The following PDE7A variants were observed in gnomAD, a reference collection of about 807,000 sequenced individuals.
The protein encoded by PDE7A is high affinity 3',5'-cyclic-AMP phosphodiesterase 7A.
A neutral mutation model predicts 64.3 loss-of-function variants in PDE7A; 39 were observed. The observed-to-expected ratio is 0.61, with a 90% confidence interval of 0.47 to 0.79. The LOEUF is 0.79. Among genes scored for constraint, PDE7A ranks in the 30% least tolerant of loss-of-function variants. PDE7A has a pLI of 0.00. For missense variants in PDE7A, 470 were observed against 582.8 expected (o/e 0.81, Z 1.99); for synonymous variants, 203 against 206.8 (o/e 0.98, Z 0.16).
At chr8:65,785,891 A>G (rs1809542365) in intron 1 of PDE7A, among the ~76,000 whole-genome samples, 2 of 152,202 alleles carry the variant, frequency 1.3e-5, no homozygotes, top group South Asian at 4.1e-4. Context: ...TTAGAAAGGT[A>G]AAATATTTAT....
chr8:65,745,368 A>G (rs1336858481), intron 5 of PDE7A, 39 bp downstream of exon 5: 1 of 1,144,456 alleles, frequency 8.7e-7, no homozygotes, highest in East Asian at 2.3e-5. Context: ...GCAGTAATCT[A>G]GACTACATTA....
chr8:65,779,742 A>G lies in PDE7A; in HGVS notation c.261T>C (p.Tyr87=). ...TACAGTGGAAAATACGAAAATCAATATATGGGTGAGAACCTCTTCTTTCTG... is the reference window on the plus strand; with the variant it reads ...TACAGTGGAAAATACGAAAATCAATGTATGGGTGAGAACCTCTTCTTTCTG... ...FESERRGSHP[Y]IDFRIFHSQS... The change falls in exon 3 of 13, where the codon TAT becomes TAC. Residue 87 remains tyrosine (Y), a synonymous_variant. Coordinates refer to ENST00000401827, the MANE Select transcript of PDE7A (RefSeq NM_001242318.3). 2 of 1,586,522 alleles carry G rather than the reference A, an allele frequency of 1.3e-6. No individual in the cohort carries two copies. Among genetic ancestry groups the G allele is most frequent in the Non-Finnish European group, 1.7e-6 (2 of 1,160,600 alleles).
In PDE7A at chr8:65,719,164, A is replaced by G; in HGVS notation, c.*126T>C. The G allele has an allele frequency of 1.5e-6, 1 of 656,324 alleles. No individual in the cohort carries two copies. The highest frequency in any genetic ancestry group is 2.7e-6 in the Non-Finnish European group (1 of 366,508). The allele number at this position is 656,324 out of a possible 1,614,324, so 40.7% of individuals were successfully genotyped here. ...CCAACAGAGGAAATCTTGGAAATAAATAATGCTGGCTGGCATCACTCACTT... is the reference window on the plus strand; with the variant it reads ...CCAACAGAGGAAATCTTGGAAATAAGTAATGCTGGCTGGCATCACTCACTT... On this transcript the variant is annotated 3_prime_UTR_variant, in exon 13 of 13. Coordinates refer to ENST00000401827, the MANE Select transcript of PDE7A (RefSeq NM_001242318.3).
chr8:65,812,043 C>CA (rs1389937557), intron 1 of PDE7A, among the ~76,000 whole-genome samples: 2 of 134,962 alleles, frequency 1.5e-5, no homozygotes, highest in Admixed American at 1.5e-4. Flanking sequence ...CCCATCTCTA[C>CA]AAAAAATACA....
intron 12 of PDE7A, among the ~76,000 whole-genome samples, chr8:65,721,017 A>G (rs909776049): frequency 6.6e-6 from 1 of 152,162 alleles, no homozygotes; most frequent in African/African-American, 2.4e-5. Context: ...ACAGCCAACA[A>G]ATTAGCTATC....
intron 7 of PDE7A, among the ~76,000 whole-genome samples, chr8:65,733,702 A>T (rs1807000399): frequency 6.6e-6 from 1 of 152,224 alleles, no homozygotes; most frequent in Non-Finnish European, 1.5e-5. Context: ...GTATTACTGC[A>T]TGTAAGTTCT....
intron 1 of PDE7A, among the ~76,000 whole-genome samples, chr8:65,836,630 C>G (rs564186022): frequency 1.3e-5 from 2 of 152,298 alleles, no homozygotes; most frequent in South Asian, 4.1e-4. Flanking sequence ...CAAAAATGTT[C>G]AACATTCAGA....
intron 1 of PDE7A, among the ~76,000 whole-genome samples, chr8:65,798,647 A>G (rs1480245183): frequency 6.6e-6 from 1 of 152,238 alleles, no homozygotes; most frequent in Admixed American, 6.5e-5. Context: ...TAATCATCAG[A>G]TAAATGCAAA....
At chr8:65,804,692 C>A (rs1030262762) in intron 1 of PDE7A, among the ~76,000 whole-genome samples, 8 of 151,550 alleles carry the variant, frequency 5.3e-5, no homozygotes, top group African/African-American at 1.9e-4. Context: ...CATGTGCCAC[C>A]ACACCAAGCT....
intron 3 of PDE7A, among the ~76,000 whole-genome samples, chr8:65,771,486 C>T (rs552002637): frequency 1.5e-4 from 23 of 152,184 alleles, no homozygotes; most frequent in African/African-American, 5.3e-4. Context: ...CTGTTGATAT[C>T]GATCTCCCTC....
At chr8:65,792,676 G>A (rs1809733881) in intron 1 of PDE7A, among the ~76,000 whole-genome samples, 1 of 152,172 alleles carries the variant, frequency 6.6e-6, no homozygotes, top group Non-Finnish European at 1.5e-5. Flanking sequence ...GAACACTATA[G>A]TAAAAACCCT....
In PDE7A at chr8:65,744,257, A is replaced by C. The variant is rs537644440; in HGVS notation, c.499+1150T>G. 1.1e-3 allele frequency among the ~76,000 whole-genome samples: 173 copies of C among 152,364 alleles called. 5 individuals are homozygous for C. The South Asian group carries it at 0.035, about 31-fold the overall frequency. ...AAACAACAAAAAAAAACAGGCATGAAGGAACTTTTTTAAAAATGGAAATGG... is the reference window on the plus strand; with the variant it reads ...AAACAACAAAAAAAAACAGGCATGACGGAACTTTTTTAAAAATGGAAATGG... On this transcript the variant is annotated intron_variant, in intron 5 of 12. Transcript: ENST00000401827.
At position 65,841,963 on chromosome 8, in the gene PDE7A, GGCCGCC is replaced by G. The variant is rs376061587; in HGVS notation, c.-461_-456del. On this transcript the variant is annotated 5_prime_UTR_variant, in exon 1 of 13. Coordinates refer to ENST00000401827, the MANE Select transcript of PDE7A (RefSeq NM_001242318.3). ...GGACTCAGGAGCAGCGACCAGCTCG[GGCCGCC>G]GCCGCCGCCGCCGCCGCCGCCGCCG... The G allele has an allele frequency of 4.2e-3, 1,025 of 244,192 alleles. 3 individuals carry two copies. Among genetic ancestry groups the G allele is most frequent in the African/African-American group, 9.8e-3 (402 of 41,190 alleles). 15.1% of individuals were successfully genotyped at this position (244,192 alleles called of 1,614,324 possible). A position where few individuals can be genotyped will look rare whatever the true frequency, so the allele number is the denominator to read the frequency against.
intron 5 of PDE7A, among the ~76,000 whole-genome samples, chr8:65,744,550 T>C (rs1807586326): frequency 6.6e-6 from 1 of 152,090 alleles, no homozygotes; most frequent in Admixed American, 6.5e-5. Context: ...GTGGGCATTT[T>C]CCCCCAAACC....
At position 65,718,657 on chromosome 8, in the gene PDE7A, T is replaced by C. The variant is rs1806244166; in HGVS notation, c.*633A>G. Reference sequence around the variant, plus strand: ...AATGCTCAGTTTCCAGTGCATGAAATAAAACTATAGCAAATGGGAGGCTTT... The same window carrying C: ...AATGCTCAGTTTCCAGTGCATGAAACAAAACTATAGCAAATGGGAGGCTTT... On this transcript the variant is annotated 3_prime_UTR_variant, in exon 13 of 13. Coordinates refer to ENST00000401827, the MANE Select transcript of PDE7A (RefSeq NM_001242318.3). The C allele has an allele frequency of 6.6e-6, 1 of 152,572 alleles. No homozygotes were observed. The highest frequency in any genetic ancestry group is 2.4e-5 in the African/African-American group (1 of 41,412). The allele number at this position is 152,572 out of a possible 1,614,324, so 9.5% of individuals were successfully genotyped here. A position where few individuals can be genotyped will look rare whatever the true frequency, so the allele number is the denominator to read the frequency against.
At chr8:65,779,436 T>C (rs927644603) in intron 3 of PDE7A, among the ~76,000 whole-genome samples, 1 of 151,948 alleles carries the variant, frequency 6.6e-6, no homozygotes, top group African/African-American at 2.4e-5. Flanking sequence ...CCATTTGGAA[T>C]AAAACAACTT....
chr8:65,775,870 C>T (rs1809244779), intron 3 of PDE7A, among the ~76,000 whole-genome samples: 1 of 152,174 alleles, frequency 6.6e-6, no homozygotes, highest in Non-Finnish European at 1.5e-5. Context: ...CTCAGGTGAT[C>T]CACCTGCCTC....
At chr8:65,833,623 A>C (rs1279854037) in intron 1 of PDE7A, among the ~76,000 whole-genome samples, 1 of 152,152 alleles carries the variant, frequency 6.6e-6, no homozygotes, top group African/African-American at 2.4e-5. Context: ...CTTTGGTAAA[A>C]ATGAGAGTAA....
chr8:65,814,565 G>A (rs1242957926), intron 1 of PDE7A, among the ~76,000 whole-genome samples: 1 of 145,938 alleles, frequency 6.9e-6, no homozygotes, highest in Non-Finnish European at 1.5e-5. Context: ...TATATAATAC[G>A]TACACATATA....
Sources: gnomAD v4.1 joint callset for allele counts (sites outside exome capture counted in the v4.1 genomes callset) on GRCh38, gnomAD v4.1.1 for gene constraint, MANE v1.5 for transcripts, NCBI Gene and HGNC (gene_info 2026-07-23, HGNC 2026-07-21) for gene names.